FAM149A: variants seen among roughly 807,000 people sequenced by gnomAD.
The protein encoded by FAM149A is protein FAM149A.
In FAM149A, 71 loss-of-function variants were observed where a neutral mutation model predicts 78.2. That is an observed-to-expected ratio of 0.91 (90% CI 0.75 to 1.11). FAM149A has a LOEUF of 1.11. Among genes scored for constraint, FAM149A ranks in the 50% least tolerant of loss-of-function variants. The probability of loss-of-function intolerance (pLI) is 0.00; values close to 1 mark genes in which losing one functional copy is unlikely to be tolerated. For synonymous variants in FAM149A, 446 were observed against 410.5 expected (o/e 1.09, Z -1.04); for missense variants, 1,036 against 971.0 (o/e 1.07, Z -0.89).
chr4:186,124,583 G>C (rs28672964), intron 1 of FAM149A, among the ~76,000 whole-genome samples: 76,194 of 151,726 alleles, frequency 0.5, 19,273 homozygotes, highest in East Asian at 0.63. Context: ...TCCCTACAAA[G>C]GACATGACCT....
intron 8 of FAM149A, among the ~76,000 whole-genome samples, chr4:186,162,491 G>A (rs749551677): frequency 1.3e-5 from 2 of 152,184 alleles, no homozygotes; most frequent in Non-Finnish European, 2.9e-5. Flanking sequence ...GGGGGAGACT[G>A]AAGCACGGCT....
chr4:186,126,539 T>G (rs1425424082), intron 1 of FAM149A, among the ~76,000 whole-genome samples: 2 of 152,188 alleles, frequency 1.3e-5, no homozygotes, highest in African/African-American at 4.8e-5. Context: ...AATTCTCTTC[T>G]TCTTGATCTC....
Position 186,166,977 on chromosome 4 carries a change from A to C in FAM149A, c.2020A>C (p.Arg674=). The C allele has an allele frequency of 6.2e-7, 1 of 1,613,812 alleles. No homozygotes were observed. The highest frequency in any genetic ancestry group is 8.5e-7 in the Non-Finnish European group (1 of 1,179,812). ...ACTATCCTTCATTTAGTACAGAGGA[A>C]GGCATCTACAAAACCGTGTGTTGAG... Residue 674 remains arginine, a synonymous_variant, in exon 12 of 14, where the codon AGG becomes CGG. Transcript: ENST00000389354.
chr4:186,129,525 C>G (rs1324314034), intron 1 of FAM149A, among the ~76,000 whole-genome samples: 1 of 152,198 alleles, frequency 6.6e-6, no homozygotes, highest in Non-Finnish European at 1.5e-5. Flanking sequence ...TGGATTGTTT[C>G]AGACCAACCA....
intron 1 of FAM149A, among the ~76,000 whole-genome samples, chr4:186,148,393 T>C (rs1469174270): frequency 6.6e-6 from 1 of 152,238 alleles, no homozygotes; most frequent in Non-Finnish European, 1.5e-5. Flanking sequence ...TTCATGACCA[T>C]ATCTTATGTT....
At chr4:186,159,083 C>T (rs1404388089) in intron 8 of FAM149A, among the ~76,000 whole-genome samples, 2 of 152,036 alleles carry the variant, frequency 1.3e-5, no homozygotes, top group Admixed American at 6.5e-5. Flanking sequence ...TAAATGTTCT[C>T]CTTTCTTTCC....
rs984318493 is a variant in FAM149A at position 186,124,415 on chromosome 4, C to A, written c.566+18773C>A. Among the ~76,000 whole-genome samples, 7 of 151,172 alleles carry A rather than the reference C, an allele frequency of 4.6e-5. No homozygotes were observed. The East Asian group carries it at 9.9e-4, about 21-fold the overall frequency. ...CTCCTAATGCTATCCCTCCCCGCTC[C>A]CCCCCACCCCACAACAGGCCCCGGT... On this transcript the variant is annotated intron_variant, in intron 1 of 13. Coordinates refer to ENST00000389354, the MANE Select transcript of FAM149A (RefSeq NM_001367768.3).
Position 186,105,314 on chromosome 4 carries a change from C to G in FAM149A, c.238C>G (p.Arg80Gly). The change falls in exon 1 of 14, where the codon CGG (arginine) becomes GGG (glycine). Residue 80 changes from arginine to glycine, a missense_variant. Arg to Gly is a moderately radical substitution (Grantham distance 125, BLOSUM62 -2). Coordinates refer to ENST00000389354, the MANE Select transcript of FAM149A (RefSeq NM_001367768.3). Reference sequence around the variant, plus strand: ...CCCGCTGCTCTCCTCCCCCTACTCCCGGGGCTCCGCCGCCAGCCGCGCCGC... The same window carrying G: ...CCCGCTGCTCTCCTCCCCCTACTCCGGGGGCTCCGCCGCCAGCCGCGCCGC... The G allele has an allele frequency of 8.5e-7, 1 of 1,170,280 alleles. No homozygotes were observed. The highest frequency in any genetic ancestry group is 1.1e-6 in the Non-Finnish European group (1 of 940,408). 72.5% of individuals were successfully genotyped at this position (1,170,280 alleles called of 1,614,324 possible).
intron 1 of FAM149A, among the ~76,000 whole-genome samples, chr4:186,136,976 T>TCTCTCTCTTTCTCTC (rs2099323291): frequency 4.2e-5 from 3 of 72,090 alleles, no homozygotes; most frequent in African/African-American, 1.2e-4. Flanking sequence ...CTCTCTCTCT[T>TCTCTCTCTTTCTCTC]TCTCTCTCTC....
chr4:186,152,148 A>C, intron 4 of FAM149A, 103 bp downstream of exon 4: 1 of 1,116,336 alleles, frequency 9.0e-7, no homozygotes, highest in Non-Finnish European at 1.3e-6. Context: ...GTGCCTGCCC[A>C]GTCAGAATAT....
At chr4:186,135,644 G>A (rs1257322882) in intron 1 of FAM149A, among the ~76,000 whole-genome samples, 1 of 152,150 alleles carries the variant, frequency 6.6e-6, no homozygotes, top group Admixed American at 6.5e-5. Context: ...TATACCTCGT[G>A]CCTGAAAGCT....
intron 3 of FAM149A, among the ~76,000 whole-genome samples, chr4:186,150,497 G>A (rs1386310885): frequency 1.6e-5 from 2 of 124,188 alleles, no homozygotes; most frequent in Non-Finnish European, 3.3e-5. Flanking sequence ...TCGGCTCACT[G>A]CAAGCTCCGC....
intron 13 of FAM149A, chr4:186,171,216 C>T (rs570043190): frequency 7.8e-5 from 12 of 152,900 alleles, no homozygotes; most frequent in Admixed American, 1.3e-4. Flanking sequence ...CATGTAACCC[C>T]GCATCCGCCT....
chr4:186,112,979 T>C (rs200926804), intron 1 of FAM149A, among the ~76,000 whole-genome samples: 23,428 of 135,814 alleles, frequency 0.17, 2,425 homozygotes, highest in Non-Finnish European at 0.23. Context: ...ATGGTACCAG[T>C]TCCTCCTTGT....
intron 1 of FAM149A, among the ~76,000 whole-genome samples, chr4:186,143,085 A>C (rs191974172): frequency 6.6e-6 from 1 of 151,920 alleles, no homozygotes; most frequent in East Asian, 1.9e-4. Context: ...GTAAAATAAT[A>C]TATATAAAAG....
chr4:186,138,545 G>A (rs926530184), intron 1 of FAM149A, among the ~76,000 whole-genome samples: 1 of 152,174 alleles, frequency 6.6e-6, no homozygotes, highest in African/African-American at 2.4e-5. Context: ...GGGTCCACTT[G>A]ACATTACATG....
At chr4:186,138,463 G>A (rs1323116210) in intron 1 of FAM149A, among the ~76,000 whole-genome samples, 3 of 152,190 alleles carry the variant, frequency 2.0e-5, no homozygotes, top group African/African-American at 4.8e-5. Context: ...AGGGTCATCT[G>A]CTTCACGCAG....
chr4:186,149,004 GT>G (rs1554069721), intron 1 of FAM149A, 168 bp from the exon 2 acceptor site: 1 of 64,808 alleles, frequency 1.5e-5, no homozygotes, highest in South Asian at 5.4e-4. Flanking sequence ...GATGGGGTGT[GT>G]GTGTGTGTGT....
chr4:186,142,881 G>A (rs951617977), intron 1 of FAM149A, among the ~76,000 whole-genome samples: 1 of 152,178 alleles, frequency 6.6e-6, no homozygotes, highest in Non-Finnish European at 1.5e-5. Flanking sequence ...ATAACAACAT[G>A]ACTGTTGATT....
Sources: gnomAD v4.1 joint callset for allele counts (sites outside exome capture counted in the v4.1 genomes callset) on GRCh38, gnomAD v4.1.1 for gene constraint, MANE v1.5 for transcripts, NCBI Gene and HGNC (gene_info 2026-07-23, HGNC 2026-07-21) for gene names.